The following GTF3C3 variants were observed in gnomAD, a reference collection of about 807,000 sequenced individuals.
GTF3C3 encodes the protein general transcription factor 3C polypeptide 3.
In GTF3C3, 75 loss-of-function variants were observed where a neutral mutation model predicts 105.2. The observed-to-expected ratio is 0.71, with a 90% CI of 0.59 to 0.86. The LOEUF (loss-of-function observed/expected upper bound fraction) is 0.86, where lower values mean the gene tolerates loss of function less well. Ranked by LOEUF, GTF3C3 falls within the 40% of genes least tolerant of loss-of-function variation. The probability of loss-of-function intolerance (pLI) is 0.00; values close to 1 mark genes in which losing one functional copy is unlikely to be tolerated. For synonymous variants in GTF3C3, 335 were observed against 370.4 expected (o/e 0.90, Z 1.10); for missense variants, 856 against 1,076.5 (o/e 0.80, Z 2.87).
chr2:196,773,797 C>T (rs1699218235), intron 13 of GTF3C3: 1 of 274,320 alleles, frequency 3.6e-6, no homozygotes, highest in Non-Finnish European at 7.5e-6. Context: ...AACCTAGATC[C>T]CTCGCATGGG....
At chr2:196,789,731 G>A in intron 5 of GTF3C3, 148 bp downstream of exon 5, 1 of 569,828 alleles carries the variant, frequency 1.8e-6, no homozygotes, top group Middle Eastern at 4.6e-4. Flanking sequence ...GAGAACAGAG[G>A]AACCCCAAAT....
chr2:196,773,097 A>G lies in GTF3C3; in HGVS notation c.1888T>C (p.Leu630=). 6.2e-7 allele frequency: 1 copy of G among 1,613,402 alleles called. No individual in the cohort carries two copies. Among genetic ancestry groups the G allele is most frequent in the South Asian group, 1.1e-5 (1 of 90,838 alleles). Reference sequence around the variant, plus strand: ...TCACATAAGGAGTATATGGCCTTCAACAGAAGATTCCACCAGTCATCCTTT... The same window carrying G: ...TCACATAAGGAGTATATGGCCTTCAGCAGAAGATTCCACCAGTCATCCTTT... The part of the protein sequence containing the change: ...LTKDDWWNLL[L]KAIYSLCDLS... Residue 630 remains leucine, a synonymous_variant, in exon 14 of 18, where the codon TTG becomes CTG. Coordinates refer to ENST00000263956, the MANE Select transcript of GTF3C3 (RefSeq NM_012086.5).
chr2:196,764,557 G>A lies in GTF3C3; in HGVS notation c.*6C>T, dbSNP rs151048249. ...CTGCCATTGCTCTGTTCTCAGTTGC[G>A]GTGCTTTATATAGAACAATAGGTAT... On this transcript the variant is annotated 3_prime_UTR_variant, in exon 18 of 18. Transcript: ENST00000263956. 4.1e-5 allele frequency: 66 copies of A among 1,611,226 alleles called. No homozygotes were observed. The highest frequency in any genetic ancestry group is 3.3e-4 in the South Asian group (30 of 90,588).
chr2:196,795,908 A>G (rs971044819), intron 2 of GTF3C3, among the ~76,000 whole-genome samples: 6 of 152,360 alleles, frequency 3.9e-5, no homozygotes, highest in South Asian at 2.1e-4. Flanking sequence ...CATACAAACT[A>G]TAAGAATAAT....
Position 196,794,399 on chromosome 2 carries a change from T to G in GTF3C3, c.215-1247A>C, listed in dbSNP as rs149193556. Among the ~76,000 whole-genome samples, 17 of 152,296 alleles carry G rather than the reference T, an allele frequency of 1.1e-4. No homozygotes were observed. In the East Asian group the frequency reaches 3.3e-3, roughly 29 times the overall value. On this transcript the variant is annotated intron_variant, in intron 2 of 17. Coordinates refer to ENST00000263956, the MANE Select transcript of GTF3C3 (RefSeq NM_012086.5). The stretch of plus-strand genomic sequence containing the variant: ...AAAATTTTAAGTATATATAGAGAGA[T>G]ATATTTATGTTTATATCTCTCTATA...
intron 7 of GTF3C3, 64 bp from the exon 8 acceptor site, chr2:196,784,993 G>T: frequency 9.5e-7 from 1 of 1,055,586 alleles, no homozygotes; most frequent in Non-Finnish European, 1.4e-6. Context: ...ATAATGCAAA[G>T]ATTTGTACAG....
intron 4 of GTF3C3, 25 bp downstream of exon 4, chr2:196,791,312 T>C (rs776699240): frequency 3.1e-6 from 5 of 1,612,592 alleles, no homozygotes; most frequent in Non-Finnish European, 4.2e-6. Context: ...ACTGCTATTA[T>C]TAACAAAGTC....
intron 2 of GTF3C3, among the ~76,000 whole-genome samples, chr2:196,795,282 C>A (rs1699622537): frequency 6.6e-6 from 1 of 152,206 alleles, no homozygotes; most frequent in African/African-American, 2.4e-5. Flanking sequence ...AAGTGACCCA[C>A]CCACCTCAGC....
In GTF3C3 at chr2:196,778,725, G is replaced by C. The variant is rs552777365; in HGVS notation, c.1390+171C>G. 4.6e-5 allele frequency: 29 copies of C among 623,876 alleles called. No individual in the cohort carries two copies. The South Asian group carries it at 5.7e-4, about 12-fold the overall frequency. The allele number at this position is 623,876 out of a possible 1,614,324, so 38.6% of individuals were successfully genotyped here. On this transcript the variant is annotated intron_variant, in intron 10 of 17. Coordinates refer to ENST00000263956, the MANE Select transcript of GTF3C3 (RefSeq NM_012086.5). ...AGTAAATCATTCCTCCAAAGCATTA[G>C]TGATGGGGAAATCACTTAGTAGCCT...
intron 9 of GTF3C3, 176 bp downstream of exon 9, chr2:196,780,383 C>T (rs1263850119): frequency 2.4e-6 from 3 of 1,254,804 alleles, no homozygotes; most frequent in Non-Finnish European, 2.0e-6. Context: ...AGCCCAATTG[C>T]AAAACAATTT....
intron 14 of GTF3C3, among the ~76,000 whole-genome samples, chr2:196,772,377 C>T (rs1472981165): frequency 1.3e-5 from 2 of 151,884 alleles, no homozygotes; most frequent in Non-Finnish European, 2.9e-5. Context: ...GGAGAAACCC[C>T]GTCTCTACTA....
At chr2:196,767,128 A>G (rs1310543451) in intron 16 of GTF3C3, 1 of 153,138 alleles carries the variant, frequency 6.5e-6, no homozygotes. Context: ...CTCAGGAGCA[A>G]ATTCACTTGA....
intron 8 of GTF3C3, among the ~76,000 whole-genome samples, chr2:196,784,596 A>T (rs977184612): frequency 6.6e-6 from 1 of 152,172 alleles, no homozygotes; most frequent in African/African-American, 2.4e-5. Flanking sequence ...TCCTAAAAAA[A>T]GGAATGAAAA....
At chr2:196,793,447 A>G (rs1307444646) in intron 2 of GTF3C3, among the ~76,000 whole-genome samples, 2 of 152,192 alleles carry the variant, frequency 1.3e-5, no homozygotes, top group Non-Finnish European at 2.9e-5. Context: ...TAGAAGAATT[A>G]TAAGACATAG....
At chr2:196,778,692 C>A (rs1266983068) in intron 10 of GTF3C3, 19 of 578,136 alleles carry the variant, frequency 3.3e-5, no homozygotes, top group Admixed American at 9.0e-5. Flanking sequence ...TTCACTCTGG[C>A]ATCATTAAGT....
intron 2 of GTF3C3, among the ~76,000 whole-genome samples, chr2:196,795,347 A>G (rs1051933259): frequency 1.3e-5 from 2 of 152,364 alleles, no homozygotes; most frequent in East Asian, 3.9e-4. Context: ...CTGTGTTCAA[A>G]AACTCTTACG....
At chr2:196,789,571 C>T (rs1699511712) in intron 5 of GTF3C3, among the ~76,000 whole-genome samples, 1 of 152,174 alleles carries the variant, frequency 6.6e-6, no homozygotes. Context: ...CAACAGTAAT[C>T]TTCTTAATGT....
intron 9 of GTF3C3, among the ~76,000 whole-genome samples, chr2:196,779,676 T>C (rs900380207): frequency 6.4e-4 from 97 of 152,162 alleles, no homozygotes; most frequent in African/African-American, 2.1e-3. Context: ...TTTCCTTAGA[T>C]ATCCCCATGG....
intron 9 of GTF3C3, among the ~76,000 whole-genome samples, chr2:196,779,634 C>G (rs1204187979): frequency 6.6e-6 from 1 of 152,154 alleles, no homozygotes; most frequent in Non-Finnish European, 1.5e-5. Context: ...TGCCTCAGGG[C>G]TTCTGTGTTT....
Sources: allele counts gnomAD v4.1 joint callset (sites outside exome capture counted in the v4.1 genomes callset), GRCh38; gene constraint gnomAD v4.1.1; transcripts MANE v1.5; gene names NCBI Gene and HGNC (gene_info 2026-07-23, HGNC 2026-07-21).